CSMD1: variants seen among roughly 807,000 people sequenced by gnomAD.
The protein encoded by CSMD1 is CUB and sushi domain-containing protein 1.
In CSMD1, 213 loss-of-function variants were observed where a neutral mutation model predicts 417.5. That is an observed-to-expected ratio of 0.51 (90% CI 0.46 to 0.57). CSMD1 has a LOEUF of 0.57. Ranked by LOEUF, CSMD1 falls within the 20% of genes least tolerant of loss-of-function variation. The pLI is 0.00. For missense variants in CSMD1, 6,923 were observed against 4,529.7 expected, an observed-to-expected ratio of 1.53 and a Z score of -15.17; for synonymous variants, 2,862 against 1,736.8, an observed-to-expected ratio of 1.65 and a Z score of -16.11.
intron 40 of CSMD1, among the ~76,000 whole-genome samples, chr8:3,145,165 C>A (rs925949814): frequency 6.6e-6 from 1 of 152,166 alleles, no homozygotes; most frequent in East Asian, 1.9e-4. Context: ...TCACATTAAT[C>A]CCAATCAGGC....
chr8:4,692,120 G>A (rs1219671614), intron 1 of CSMD1, among the ~76,000 whole-genome samples: 1 of 152,058 alleles, frequency 6.6e-6, no homozygotes, highest in South Asian at 2.1e-4. Flanking sequence ...CTGGTACTCA[G>A]CCCAGGGGCT....
chr8:3,086,552 G>T (rs1004610811), intron 49 of CSMD1, among the ~76,000 whole-genome samples: 2 of 152,060 alleles, frequency 1.3e-5, no homozygotes, highest in African/African-American at 4.8e-5. Context: ...AAAATTTCAT[G>T]ACTTCAAAGC....
At chr8:3,497,524 C>A (rs141009986) in intron 10 of CSMD1, among the ~76,000 whole-genome samples, 150 of 152,244 alleles carry the variant, frequency 9.9e-4, no homozygotes, top group African/African-American at 3.2e-3. Context: ...CATGTCTCAC[C>A]CTTCTAGGTA....
intron 3 of CSMD1, among the ~76,000 whole-genome samples, chr8:4,039,280 C>G (rs1389725395): frequency 1.3e-5 from 2 of 152,122 alleles, no homozygotes; most frequent in African/African-American, 2.4e-5. Context: ...CTCCAAATTC[C>G]TTCATGATGT....
At chr8:3,770,252 GCA>G (rs1798496848) in intron 5 of CSMD1, among the ~76,000 whole-genome samples, 1 of 152,200 alleles carries the variant, frequency 6.6e-6, no homozygotes, top group Non-Finnish European at 1.5e-5. Context: ...AGGCAACTGG[GCA>G]CAGTGTCTCA....
chr8:4,212,475 G>C (rs1348269647), intron 3 of CSMD1, among the ~76,000 whole-genome samples: 3 of 151,964 alleles, frequency 2.0e-5, no homozygotes, highest in African/African-American at 7.2e-5. Flanking sequence ...TGTCCTTTCA[G>C]ACTGGCAGAT....
chr8:3,540,112 G>C (rs1196817338), intron 10 of CSMD1, among the ~76,000 whole-genome samples: 2 of 152,046 alleles, frequency 1.3e-5, no homozygotes, highest in Admixed American at 6.5e-5. Context: ...TTGTAGACTT[G>C]TTTACGGTCA....
At chr8:4,654,322 T>G (rs531771473) in intron 1 of CSMD1, among the ~76,000 whole-genome samples, 20 of 152,222 alleles carry the variant, frequency 1.3e-4, no homozygotes, top group Non-Finnish European at 2.5e-4. Context: ...CAGGGATGTA[T>G]TGCTTTCTAT....
At chr8:3,883,204 T>G (rs1240651119) in intron 5 of CSMD1, among the ~76,000 whole-genome samples, 1 of 152,200 alleles carries the variant, frequency 6.6e-6, no homozygotes, top group African/African-American at 2.4e-5. Context: ...TGCAATTTAC[T>G]AGATACGTGT....
chr8:3,546,787 G>T (rs186750695), intron 10 of CSMD1, among the ~76,000 whole-genome samples: 1 of 152,188 alleles, frequency 6.6e-6, no homozygotes. Flanking sequence ...TTTTGAACAG[G>T]ATTCTGCAGC....
chr8:4,283,660 C>T (rs538785832), intron 3 of CSMD1, among the ~76,000 whole-genome samples: 1 of 152,194 alleles, frequency 6.6e-6, no homozygotes, highest in African/African-American at 2.4e-5. Flanking sequence ...ACCCAACAGA[C>T]ACACCTCAGT....
At chr8:3,855,389 A>C (rs937591171) in intron 5 of CSMD1, among the ~76,000 whole-genome samples, 1 of 152,196 alleles carries the variant, frequency 6.6e-6, no homozygotes, top group Non-Finnish European at 1.5e-5. Flanking sequence ...ACAGAACAAA[A>C]TAAAAACAAC....
At position 3,201,691 on chromosome 8, in the gene CSMD1, G is replaced by T. The variant is rs772178010; in HGVS notation, c.5019C>A (p.Ala1673=). 1.3e-5 allele frequency: 21 copies of T among 1,604,306 alleles called. No homozygotes were observed. The highest frequency in any genetic ancestry group is 1.6e-5 in the Non-Finnish European group (19 of 1,175,276). ...VFGQFAYFQT[A]LNDLAELFDG... ...CAAATAATTCTGCCAAATCATTCAG[G>T]GCTGTCTGGAAATAGGCAAACTGTC... The change falls in exon 32 of 70, where the codon GCC becomes GCA. Residue 1673 remains alanine (A), a synonymous_variant. Transcript: ENST00000635120.
chr8:4,070,553 T>A (rs1340481969), intron 3 of CSMD1, among the ~76,000 whole-genome samples: 1 of 152,078 alleles, frequency 6.6e-6, no homozygotes, highest in Non-Finnish European at 1.5e-5. Context: ...GAGACGGGGT[T>A]TCACCGTGTT....
intron 3 of CSMD1, among the ~76,000 whole-genome samples, chr8:4,240,564 C>A (rs556501707): frequency 6.6e-6 from 1 of 152,166 alleles, no homozygotes; most frequent in Non-Finnish European, 1.5e-5. Context: ...TGCCTCCTGC[C>A]TTTTTATTTT....
chr8:4,226,091 C>G (rs111328696), intron 3 of CSMD1, among the ~76,000 whole-genome samples: 2 of 151,604 alleles, frequency 1.3e-5, no homozygotes, highest in African/African-American at 2.4e-5. Context: ...CACACACACA[C>G]ACACACACAC....
intron 1 of CSMD1, among the ~76,000 whole-genome samples, chr8:4,977,758 T>C (rs1810646650): frequency 6.6e-6 from 1 of 152,218 alleles, no homozygotes. Context: ...CAGGTTCACC[T>C]GCTAGAGATG....
chr8:3,951,979 C>T (rs7005154), intron 5 of CSMD1, among the ~76,000 whole-genome samples: 5,651 of 152,028 alleles, frequency 0.037, 360 homozygotes, highest in African/African-American at 0.13. Flanking sequence ...AGGAAATTTT[C>T]CCTGATTACA....
chr8:4,586,847 G>T (rs868144020), intron 2 of CSMD1, among the ~76,000 whole-genome samples: 2 of 152,170 alleles, frequency 1.3e-5, no homozygotes, highest in Non-Finnish European at 2.9e-5. Context: ...GATCATGGCA[G>T]GTGTTCAACT....
Sources: allele counts gnomAD v4.1 joint callset (sites outside exome capture counted in the v4.1 genomes callset), GRCh38; gene constraint gnomAD v4.1.1; transcripts MANE v1.5; gene names NCBI Gene and HGNC (gene_info 2026-07-23, HGNC 2026-07-21).